Variants in MDH1B observed in about 807,000 individuals in gnomAD.
MDH1B encodes putative malate dehydrogenase 1B.
A neutral mutation model predicts 61.4 loss-of-function variants in MDH1B; 60 were observed. That is an observed-to-expected ratio of 0.98 (90% confidence interval 0.79 to 1.21). The LOEUF is 1.21. Among genes scored for constraint, MDH1B ranks in the 50% most tolerant of loss-of-function variants. The pLI is 0.00. For synonymous variants in MDH1B, 236 were observed against 218.7 expected, an observed-to-expected ratio of 1.08 and a Z score of -0.70; for missense variants, 587 against 632.1, an observed-to-expected ratio of 0.93 and a Z score of 0.76.
chr2:206,753,218 T>G (rs1688552797), intron 5 of MDH1B, among the ~76,000 whole-genome samples: 1 of 152,182 alleles, frequency 6.6e-6, no homozygotes. Context: ...AGCATCCAGC[T>G]ATGTCTGAAA....
At chr2:206,749,250 G>T in intron 6 of MDH1B, 67 bp from the exon 7 acceptor site, 1 of 1,414,820 alleles carries the variant, frequency 7.1e-7, no homozygotes, top group Non-Finnish European at 9.8e-7. Flanking sequence ...GATGTTCCCT[G>T]GCTCAGTGGA....
chr2:206,747,660 C>A (rs894259056), intron 7 of MDH1B, among the ~76,000 whole-genome samples: 2 of 152,166 alleles, frequency 1.3e-5, no homozygotes. Context: ...ACTAATCATA[C>A]TATCAAAAAC....
chr2:206,738,581 C>T lies in MDH1B; in HGVS notation c.1529-70G>A, dbSNP rs375802063. 4.7e-5 allele frequency: 55 copies of T among 1,172,502 alleles called. 2 individuals are homozygous for T. The highest frequency in any genetic ancestry group is 2.8e-4 in the South Asian group (19 of 67,946). 72.6% of individuals were successfully genotyped at this position (1,172,502 alleles called of 1,614,324 possible). ...TGTTAGTAGCATATGTTATTATTAG[C>T]TTTTTTGTTTGCTGGATTCCTGTAT... On this transcript the variant is annotated intron_variant, in intron 11 of 11. Coordinates refer to ENST00000374412, the MANE Select transcript of MDH1B (RefSeq NM_001039845.3).
In MDH1B at chr2:206,765,305, T is replaced by C. The variant is rs1689387201; in HGVS notation, c.-34A>G. ...GAGACTCAGAGGCAGGGACCGCGGCTTCGCGGTTTCCTGGCAACCACGCAG... is the reference window on the plus strand; with the variant it reads ...GAGACTCAGAGGCAGGGACCGCGGCCTCGCGGTTTCCTGGCAACCACGCAG... On this transcript the variant is annotated 5_prime_UTR_variant, in exon 1 of 12. Transcript: ENST00000374412. The C allele has an allele frequency of 6.3e-7, 1 of 1,577,564 alleles. No individual in the cohort carries two copies. Among genetic ancestry groups the C allele is most frequent in the Non-Finnish European group, 8.6e-7 (1 of 1,166,926 alleles).
chr2:206,762,971 A>C (rs1235295072), intron 1 of MDH1B, among the ~76,000 whole-genome samples: 3 of 151,876 alleles, frequency 2.0e-5, no homozygotes, highest in African/African-American at 7.3e-5. Context: ...TGTCTTTATA[A>C]CTTACATATT....
At chr2:206,742,232 T>C (rs1483324995) in intron 9 of MDH1B, among the ~76,000 whole-genome samples, 1 of 152,180 alleles carries the variant, frequency 6.6e-6, no homozygotes, top group Non-Finnish European at 1.5e-5. Context: ...GCTCTTATTA[T>C]GTGAGTGGTT....
chr2:206,742,170 G>A (rs1179575991), intron 9 of MDH1B, among the ~76,000 whole-genome samples: 2 of 152,208 alleles, frequency 1.3e-5, no homozygotes, highest in Non-Finnish European at 2.9e-5. Context: ...TGCCCTGAGT[G>A]AGTCTTATCT....
At chr2:206,756,675 G>A (rs1230893991) in intron 4 of MDH1B, 7 of 516,556 alleles carry the variant, frequency 1.4e-5, no homozygotes, top group Non-Finnish European at 2.4e-5. Flanking sequence ...AAGTGACTGT[G>A]TTTGTGTCTA....
intron 3 of MDH1B, 91 bp downstream of exon 3, chr2:206,757,146 A>G: frequency 6.6e-7 from 1 of 1,521,558 alleles, no homozygotes; most frequent in South Asian, 1.2e-5. Context: ...AAAAAGAGAC[A>G]TGAGAGAATG....
Position 206,756,879 on chromosome 2 carries a change from T to C in MDH1B, c.413+19A>G. Reference sequence around the variant, plus strand: ...TATAAAAAGTAAATCTCATGAATCCTGGGATTTGACTGTCCCACCTGGTGA... The same window carrying C: ...TATAAAAAGTAAATCTCATGAATCCCGGGATTTGACTGTCCCACCTGGTGA... On this transcript the variant is annotated intron_variant, in intron 4 of 11. Coordinates refer to ENST00000374412, the MANE Select transcript of MDH1B (RefSeq NM_001039845.3). The C allele has an allele frequency of 6.2e-7, 1 of 1,612,224 alleles. No homozygotes were observed.
Position 206,739,641 on chromosome 2 carries a change from T to A in MDH1B, c.1480A>T (p.Ile494Phe). Residue 494 changes from isoleucine (I) to phenylalanine (F), a missense_variant, in exon 11 of 12, where the codon ATT (isoleucine) becomes TTT (phenylalanine). Coordinates refer to ENST00000374412, the MANE Select transcript of MDH1B (RefSeq NM_001039845.3). Reference sequence around the variant, plus strand: ...GGCTTTTCAAAGGTGGTTTGAGGAATCTGATTTGGAAACTCTGCTGCTGCA... The same window carrying A: ...GGCTTTTCAAAGGTGGTTTGAGGAAACTGATTTGGAAACTCTGCTGCTGCA... ...MSDAAEFPNQ[I>F]PQTTFEKPQS... The A allele has an allele frequency of 1.2e-6, 2 of 1,614,074 alleles. No homozygotes were observed. Among genetic ancestry groups the A allele is most frequent in the Non-Finnish European group, 1.7e-6 (2 of 1,179,952 alleles).
chr2:206,758,312 A>G (rs952054773), intron 2 of MDH1B, among the ~76,000 whole-genome samples: 3 of 152,262 alleles, frequency 2.0e-5, no homozygotes, highest in Non-Finnish European at 4.4e-5. Context: ...AGAATTTATT[A>G]GTATGAATCA....
chr2:206,745,247 C>A, intron 9 of MDH1B: 3 of 355,516 alleles, frequency 8.4e-6, no homozygotes, highest in South Asian at 4.3e-5. Context: ...CTTTCTCAAG[C>A]CTTCAGAGAG....
At chr2:206,763,394 C>G (rs184099043) in intron 1 of MDH1B, among the ~76,000 whole-genome samples, 2 of 152,204 alleles carry the variant, frequency 1.3e-5, no homozygotes, top group East Asian at 3.9e-4. Flanking sequence ...TCTCTCCAAT[C>G]CATTCACTTC....
At chr2:206,748,338 C>T (rs184669701) in intron 7 of MDH1B, among the ~76,000 whole-genome samples, 1 of 152,346 alleles carries the variant, frequency 6.6e-6, no homozygotes, top group East Asian at 1.9e-4. Flanking sequence ...GAGATGGTGC[C>T]ATTGCACCCC....
chr2:206,750,387 T>C (rs541743906), intron 6 of MDH1B, among the ~76,000 whole-genome samples: 32 of 143,036 alleles, frequency 2.2e-4, no homozygotes, highest in Non-Finnish European at 4.3e-4. Context: ...GCTTAGCCTC[T>C]CTGTAACTCA....
At chr2:206,746,116 T>C (rs1688095281) in intron 8 of MDH1B, among the ~76,000 whole-genome samples, 171 bp downstream of exon 8, 1 of 152,204 alleles carries the variant, frequency 6.6e-6, no homozygotes, top group African/African-American at 2.4e-5. Flanking sequence ...ATTGTATAAC[T>C]AAATGAGTAG....
chr2:206,755,589 G>T, intron 4 of MDH1B, 84 bp from the exon 5 acceptor site: 1 of 1,473,960 alleles, frequency 6.8e-7, no homozygotes, highest in Non-Finnish European at 9.1e-7. Flanking sequence ...ATTTCTGCAT[G>T]TGCATCAATA....
At chr2:206,746,225 C>T in intron 8 of MDH1B, 62 bp downstream of exon 8, 2 of 1,455,410 alleles carry the variant, frequency 1.4e-6, no homozygotes, top group South Asian at 1.5e-5. Context: ...ATGCCTTGGC[C>T]TAGGAGAATC....
Sources: gnomAD v4.1 joint callset for allele counts (sites outside exome capture counted in the v4.1 genomes callset) on GRCh38, gnomAD v4.1.1 for gene constraint, MANE v1.5 for transcripts, NCBI Gene and HGNC (gene_info 2026-07-23, HGNC 2026-07-21) for gene names.